The following FOXO1 variants were observed in gnomAD, a reference collection of about 807,000 sequenced individuals.
FOXO1 encodes forkhead box protein O1.
Under a neutral mutation model 44.1 loss-of-function variants are expected in FOXO1, and 6 were observed. The observed-to-expected ratio is 0.14, with a 90% CI of 0.07 to 0.27. FOXO1 has a LOEUF of 0.27. Ranked by LOEUF, FOXO1 falls within the 10% of genes least tolerant of loss-of-function variation. The pLI is 1.00. For missense variants in FOXO1, 737 were observed against 888.8 expected (o/e 0.83, Z 2.17); for synonymous variants, 380 against 362.7 (o/e 1.05, Z -0.54).
intron 1 of FOXO1, among the ~76,000 whole-genome samples, chr13:40,648,954 T>C (rs963595857): frequency 6.6e-6 from 1 of 152,246 alleles, no homozygotes; most frequent in African/African-American, 2.4e-5. Context: ...GTTGATGTGA[T>C]GTGCCTTGTG....
At chr13:40,661,281 C>T (rs941669637) in intron 1 of FOXO1, among the ~76,000 whole-genome samples, 15 of 146,324 alleles carry the variant, frequency 1.0e-4, no homozygotes, top group Non-Finnish European at 1.8e-4. Flanking sequence ...AGGCTTTCTT[C>T]TTTTTTTTTT....
At chr13:40,611,057 T>G (rs1309067100) in intron 1 of FOXO1, 1 of 456,220 alleles carries the variant, frequency 2.2e-6, no homozygotes, top group Admixed American at 2.4e-5. Context: ...AGGAGAAAAG[T>G]TGTATCTTCA....
At chr13:40,571,229 G>A (rs1373353992) in intron 1 of FOXO1, among the ~76,000 whole-genome samples, 4 of 151,974 alleles carry the variant, frequency 2.6e-5, no homozygotes, top group Admixed American at 6.6e-5. Flanking sequence ...TCATGGGGTG[G>A]GGGGAAGGGG....
At chr13:40,621,284 A>C in intron 1 of FOXO1, 2 of 761,686 alleles carry the variant, frequency 2.6e-6, no homozygotes, top group Non-Finnish European at 4.0e-6. Context: ...GATGGCTCTC[A>C]GAGAATTTCA....
intron 1 of FOXO1, among the ~76,000 whole-genome samples, chr13:40,563,809 C>T (rs1252097950): frequency 6.6e-5 from 10 of 152,194 alleles, no homozygotes; most frequent in Non-Finnish European, 1.3e-4. Context: ...CTGCTGTACC[C>T]ACCAACCCCA....
At chr13:40,637,803 T>C (rs1409505864) in intron 1 of FOXO1, among the ~76,000 whole-genome samples, 4 of 152,206 alleles carry the variant, frequency 2.6e-5, no homozygotes, top group Admixed American at 6.5e-5. Context: ...ACCCAGGCAG[T>C]GTGACCGGCA....
At chr13:40,589,906 T>TTA (rs1875305082) in intron 1 of FOXO1, among the ~76,000 whole-genome samples, 1 of 152,148 alleles carries the variant, frequency 6.6e-6, no homozygotes, top group African/African-American at 2.4e-5. Context: ...CAGCAGATGT[T>TTA]TAAAGGGTGA....
chr13:40,650,406 C>T (rs1379044115), intron 1 of FOXO1, among the ~76,000 whole-genome samples: 1 of 152,164 alleles, frequency 6.6e-6, no homozygotes, highest in Non-Finnish European at 1.5e-5. Flanking sequence ...TAGGTCTCAG[C>T]CTCATTTTAC....
At chr13:40,570,270 A>C (rs1874434092) in intron 1 of FOXO1, among the ~76,000 whole-genome samples, 2 of 151,932 alleles carry the variant, frequency 1.3e-5, no homozygotes, top group African/African-American at 2.4e-5. Context: ...AGATCGCGCC[A>C]CTGCACTCCA....
At chr13:40,618,787 CTCAAG>C (rs1876508973) in intron 1 of FOXO1, 2 of 516,752 alleles carry the variant, frequency 3.9e-6, no homozygotes, top group African/African-American at 3.9e-5. Context: ...GAAACCTTAT[CTCAAG>C]ACCGTAATCA....
At chr13:40,647,486 C>G (rs1877549197) in intron 1 of FOXO1, among the ~76,000 whole-genome samples, 1 of 152,118 alleles carries the variant, frequency 6.6e-6, no homozygotes, top group Non-Finnish European at 1.5e-5. Context: ...CTCACTGCAG[C>G]CTCCACTTCC....
rs1261281866 is a variant in FOXO1 at position 40,557,473 on chromosome 13, T to C, written c.*1576A>G. The C allele has an allele frequency of 6.6e-6, 1 of 152,228 alleles. No individual in the cohort carries two copies. Among genetic ancestry groups the C allele is most frequent in the African/African-American group, 2.4e-5 (1 of 41,472 alleles). The allele number at this position is 152,228 out of a possible 1,614,324, so 9.4% of individuals were successfully genotyped here. A position where few individuals can be genotyped will look rare whatever the true frequency, so the allele number is the denominator to read the frequency against. On this transcript the variant is annotated 3_prime_UTR_variant, in exon 3 of 3. Coordinates refer to ENST00000379561, the MANE Select transcript of FOXO1 (RefSeq NM_002015.4). Reference sequence around the variant, plus strand: ...GCACAACTTACAGCTGGTTTTCAAATAAATCTCCCCAATTTTTAAGTAAGT... The same window carrying C: ...GCACAACTTACAGCTGGTTTTCAAACAAATCTCCCCAATTTTTAAGTAAGT...
In FOXO1 at chr13:40,556,368, G is replaced by A. The variant is rs1355551543; in HGVS notation, c.*2681C>T. The A allele has an allele frequency of 1.3e-5, 2 of 152,530 alleles. No individual in the cohort carries two copies. Among genetic ancestry groups the A allele is most frequent in the African/African-American group, 2.4e-5 (1 of 41,386 alleles). 9.4% of individuals were successfully genotyped at this position (152,530 alleles called of 1,614,324 possible). A position where few individuals can be genotyped will look rare whatever the true frequency, so the allele number is the denominator to read the frequency against. ...TCTATTACCTAAATATATTCCATAC[G>A]TCTATATTACGGAAACAATACATCT... On this transcript the variant is annotated 3_prime_UTR_variant, in exon 3 of 3. Transcript: ENST00000379561.
chr13:40,626,872 A>G (rs1876804165), intron 1 of FOXO1, among the ~76,000 whole-genome samples: 1 of 152,220 alleles, frequency 6.6e-6, no homozygotes, highest in African/African-American at 2.4e-5. Context: ...CAACTGCCCT[A>G]CATGCACTGA....
intron 1 of FOXO1, among the ~76,000 whole-genome samples, chr13:40,648,096 G>A (rs763019382): frequency 6.6e-6 from 1 of 151,894 alleles, no homozygotes; most frequent in Non-Finnish European, 1.5e-5. Flanking sequence ...TATCTTGTTA[G>A]TCTGCCTTAT....
chr13:40,633,595 A>G (rs1026268027), intron 1 of FOXO1, among the ~76,000 whole-genome samples: 1 of 152,204 alleles, frequency 6.6e-6, no homozygotes, highest in African/African-American at 2.4e-5. Flanking sequence ...CAGAGAGTAA[A>G]TGCAGGTTAG....
In FOXO1 at chr13:40,556,623, C is replaced by T. The variant is rs779419041; in HGVS notation, c.*2426G>A. 1 of 152,508 alleles carries T rather than the reference C, an allele frequency of 6.6e-6. No homozygotes were observed. Among genetic ancestry groups the T allele is most frequent in the South Asian group, 2.1e-4 (1 of 4,828 alleles). 9.4% of individuals were successfully genotyped at this position (152,508 alleles called of 1,614,324 possible). ...TTTGCTTTCCAGACAGACCAGATGC[C>T]TTTCCCTGGACTTCACTGTTCTCAG... On this transcript the variant is annotated 3_prime_UTR_variant, in exon 3 of 3. Transcript: ENST00000379561.
At chr13:40,636,487 T>G (rs951461143) in intron 1 of FOXO1, among the ~76,000 whole-genome samples, 1 of 151,396 alleles carries the variant, frequency 6.6e-6, no homozygotes, top group African/African-American at 2.4e-5. Context: ...CTGGTCGATA[T>G]AGCAAGATCC....
intron 1 of FOXO1, among the ~76,000 whole-genome samples, chr13:40,642,546 A>T (rs1877386289): frequency 6.6e-6 from 1 of 152,222 alleles, no homozygotes; most frequent in African/African-American, 2.4e-5. Context: ...TCCTAACATG[A>T]TCAGCTCAGT....
Sources: allele counts gnomAD v4.1 joint callset (sites outside exome capture counted in the v4.1 genomes callset), GRCh38; gene constraint gnomAD v4.1.1; transcripts MANE v1.5; gene names NCBI Gene and HGNC (gene_info 2026-07-23, HGNC 2026-07-21).